Variants in NLGN1 observed in about 807,000 individuals in gnomAD.
The protein encoded by NLGN1 is neuroligin-1.
Under a neutral mutation model 65.5 loss-of-function variants are expected in NLGN1, and 12 were observed. The ratio of observed to expected loss-of-function variants is 0.18; its 90% CI spans 0.12 to 0.30. NLGN1 has a LOEUF of 0.30. Ranked by LOEUF, NLGN1 falls within the 10% of genes least tolerant of loss-of-function variation. NLGN1 has a pLI of 1.00. For synonymous variants in NLGN1, 350 were observed against 359.5 expected, an observed-to-expected ratio of 0.97 and a Z score of 0.30; for missense variants, 750 against 1,007.1, an observed-to-expected ratio of 0.74 and a Z score of 3.46.
At chr3:173,444,295 C>G (rs1488264564) in intron 2 of NLGN1, among the ~76,000 whole-genome samples, 2 of 152,142 alleles carry the variant, frequency 1.3e-5, no homozygotes, top group Non-Finnish European at 2.9e-5. Context: ...GGCTCCATAT[C>G]TGTATAACAG....
At chr3:174,028,202 A>G (rs1729238282) in intron 4 of NLGN1, among the ~76,000 whole-genome samples, 1 of 152,216 alleles carries the variant, frequency 6.6e-6, no homozygotes, top group Admixed American at 6.5e-5. Flanking sequence ...AAAAATGTCC[A>G]AAAATGTGGA....
chr3:174,113,771 T>C (rs73042181), intron 4 of NLGN1, among the ~76,000 whole-genome samples: 4,399 of 152,266 alleles, frequency 0.029, 237 homozygotes, highest in African/African-American at 0.1. Flanking sequence ...AGAAAATTAA[T>C]AACACTTTAT....
intron 4 of NLGN1, among the ~76,000 whole-genome samples, chr3:173,815,134 T>C (rs912461021): frequency 1.3e-5 from 2 of 151,350 alleles, no homozygotes; most frequent in Non-Finnish European, 2.9e-5. Flanking sequence ...TTTCTTTTTT[T>C]TTTTTAAGAT....
chr3:173,856,776 A>G (rs965013184), intron 4 of NLGN1, among the ~76,000 whole-genome samples: 1 of 152,164 alleles, frequency 6.6e-6, no homozygotes, highest in African/African-American at 2.4e-5. Context: ...ACTAGAGAGA[A>G]AAGTGAACAG....
At chr3:174,225,676 A>G (rs981867936) in intron 4 of NLGN1, among the ~76,000 whole-genome samples, 8 of 151,822 alleles carry the variant, frequency 5.3e-5, no homozygotes, top group Non-Finnish European at 8.8e-5. Context: ...GCTTGCAGTG[A>G]GCGGAGATTG....
chr3:173,551,821 G>C (rs558267638), intron 2 of NLGN1, among the ~76,000 whole-genome samples: 1 of 152,224 alleles, frequency 6.6e-6, no homozygotes, highest in South Asian at 2.1e-4. Context: ...TCATATAATG[G>C]TAACTATTGT....
chr3:173,679,413 A>G (rs955821058), intron 3 of NLGN1, among the ~76,000 whole-genome samples: 3 of 152,076 alleles, frequency 2.0e-5, no homozygotes, highest in Admixed American at 6.6e-5. Context: ...GTGGTAGTCT[A>G]CAGATTCGGG....
chr3:174,020,992 A>G (rs1278915151), intron 4 of NLGN1, among the ~76,000 whole-genome samples: 1 of 152,020 alleles, frequency 6.6e-6, no homozygotes, highest in Non-Finnish European at 1.5e-5. Flanking sequence ...AAGGAGCTTA[A>G]TTCCTTTCTC....
intron 3 of NLGN1, among the ~76,000 whole-genome samples, chr3:173,769,721 A>G (rs904036784): frequency 4.6e-5 from 7 of 152,194 alleles, no homozygotes; most frequent in African/African-American, 1.4e-4. Flanking sequence ...AACACAGAAG[A>G]GTATAAGGTT....
chr3:174,197,233 T>G (rs898154127), intron 4 of NLGN1, among the ~76,000 whole-genome samples: 1 of 151,970 alleles, frequency 6.6e-6, no homozygotes, highest in Non-Finnish European at 1.5e-5. Context: ...TAAGGAGCAA[T>G]AGAAGACAAC....
chr3:173,700,569 C>T (rs571383497), intron 3 of NLGN1, among the ~76,000 whole-genome samples: 39 of 151,908 alleles, frequency 2.6e-4, no homozygotes, highest in Middle Eastern at 3.4e-3. Flanking sequence ...ATGGAGTCTG[C>T]GTAGAATCTA....
chr3:173,492,620 A>G (rs925543517), intron 2 of NLGN1, among the ~76,000 whole-genome samples: 2 of 151,912 alleles, frequency 1.3e-5, no homozygotes, highest in African/African-American at 2.4e-5. Context: ...ATTAGAATAC[A>G]ATAATTACTT....
chr3:173,475,267 G>C (rs1725997048), intron 2 of NLGN1, among the ~76,000 whole-genome samples: 1 of 151,864 alleles, frequency 6.6e-6, no homozygotes, highest in African/African-American at 2.4e-5. Context: ...TGAATAACAA[G>C]TTATTCATAT....
intron 2 of NLGN1, among the ~76,000 whole-genome samples, chr3:173,510,175 A>G (rs937106589): frequency 2.0e-5 from 3 of 152,216 alleles, no homozygotes; most frequent in Non-Finnish European, 4.4e-5. Flanking sequence ...CTGTTTGTGA[A>G]TAGAGAAGAA....
chr3:173,768,722 G>A (rs1015348574), intron 3 of NLGN1, among the ~76,000 whole-genome samples: 3 of 152,048 alleles, frequency 2.0e-5, no homozygotes, highest in South Asian at 2.1e-4. Context: ...AGTTCCTAAC[G>A]TTACAACTAA....
chr3:174,111,401 T>C lies in NLGN1; in HGVS notation c.647-163914T>C, dbSNP rs983581292. Among the ~76,000 whole-genome samples, 35 of 152,050 alleles carry C rather than the reference T, an allele frequency of 2.3e-4. 1 individual carries two copies. Among genetic ancestry groups the C allele is most frequent in the Non-Finnish European group, 7.4e-5 (5 of 67,842 alleles). ...AATAAAAGCCAGAACTTTGGATTTT[T>C]ATGTGAACCCTCCTTTCCCAGTTTT... On this transcript the variant is annotated intron_variant, in intron 4 of 6. Transcript: ENST00000457714.
chr3:173,564,028 C>G (rs1175292603), intron 2 of NLGN1, among the ~76,000 whole-genome samples: 1 of 152,220 alleles, frequency 6.6e-6, no homozygotes, highest in Admixed American at 6.5e-5. Context: ...CTGATCTGGC[C>G]CTTACTACCT....
intron 4 of NLGN1, among the ~76,000 whole-genome samples, chr3:174,106,447 C>T (rs1178244109): frequency 6.6e-6 from 1 of 152,050 alleles, no homozygotes; most frequent in African/African-American, 2.4e-5. Context: ...AAAATATTCT[C>T]TTCTTGTCTT....
chr3:173,827,022 A>G (rs2861598), intron 4 of NLGN1, among the ~76,000 whole-genome samples: 100,379 of 151,946 alleles, frequency 0.66, 34,065 homozygotes, highest in Non-Finnish European at 0.74. Context: ...AAGCTGGAAA[A>G]TCTACCTCTG....
Sources: gnomAD v4.1 joint callset for allele counts (sites outside exome capture counted in the v4.1 genomes callset) on GRCh38, gnomAD v4.1.1 for gene constraint, MANE v1.5 for transcripts, NCBI Gene and HGNC (gene_info 2026-07-23, HGNC 2026-07-21) for gene names.